CSMD1: variants seen among roughly 807,000 people sequenced by gnomAD.
CSMD1 encodes the protein CUB and sushi domain-containing protein 1.
CSMD1 carries 213 observed loss-of-function variants against 417.5 expected under a neutral mutation model. The ratio of observed to expected loss-of-function variants is 0.51; its 90% CI spans 0.46 to 0.57. CSMD1 has a LOEUF of 0.57. CSMD1 is among the 20% of genes least tolerant of loss of function. The pLI, the probability that CSMD1 is intolerant of heterozygous loss-of-function variation, is 0.00. For synonymous variants in CSMD1, 2,862 were observed against 1,736.8 expected (o/e 1.65, Z -16.11); for missense variants, 6,923 against 4,529.7 (o/e 1.53, Z -15.17).
intron 26 of CSMD1, among the ~76,000 whole-genome samples, chr8:3,243,144 G>A (rs1218313750): frequency 2.0e-5 from 3 of 152,130 alleles, no homozygotes; most frequent in Non-Finnish European, 2.9e-5. Flanking sequence ...AGTGAGGGAG[G>A]TTGGAGAAGA....
At chr8:4,583,125 T>C (rs1799513909) in intron 2 of CSMD1, among the ~76,000 whole-genome samples, 1 of 152,238 alleles carries the variant, frequency 6.6e-6, no homozygotes, top group African/African-American at 2.4e-5. Flanking sequence ...CTCCATGGGC[T>C]CCTGTGCGGC....
In CSMD1 at chr8:4,176,755, A is replaced by G. The variant is rs549345884; in HGVS notation, c.416-144656T>C. On this transcript the variant is annotated intron_variant, in intron 3 of 69. Coordinates refer to ENST00000635120, the MANE Select transcript of CSMD1 (RefSeq NM_033225.6). The stretch of plus-strand genomic sequence containing the variant: ...GGAAGATCTACCAAGCAAATGGAAA[A>G]CAAAAAAAGGCAGGGGTTGCAATCC... Among the ~76,000 whole-genome samples the G allele has an allele frequency of 2.1e-4, 31 of 150,114 alleles. No individual in the cohort carries two copies. The South Asian group carries it at 4.3e-3, about 21-fold the overall frequency.
intron 3 of CSMD1, among the ~76,000 whole-genome samples, chr8:4,299,450 A>G (rs1281670012): frequency 1.3e-5 from 2 of 152,156 alleles, no homozygotes; most frequent in Non-Finnish European, 2.9e-5. Context: ...AAAAGCCACT[A>G]GTAATTGGTT....
At chr8:4,554,850 G>A (rs1005524631) in intron 2 of CSMD1, among the ~76,000 whole-genome samples, 203 of 152,266 alleles carry the variant, frequency 1.3e-3, no homozygotes, top group African/African-American at 4.4e-3. Context: ...GGGGTTAAAA[G>A]CTGAAGATAA....
chr8:4,350,231 C>T (rs918700497), intron 3 of CSMD1, among the ~76,000 whole-genome samples: 3 of 152,266 alleles, frequency 2.0e-5, no homozygotes, highest in Admixed American at 1.3e-4. Context: ...AGGCACCTGC[C>T]TGAAGCCTAA....
intron 4 of CSMD1, among the ~76,000 whole-genome samples, chr8:4,002,102 A>C (rs1012995626): frequency 6.6e-6 from 1 of 152,196 alleles, no homozygotes; most frequent in African/African-American, 2.4e-5. Flanking sequence ...TATTACACAT[A>C]TAAGACAAAC....
intron 49 of CSMD1, among the ~76,000 whole-genome samples, chr8:3,065,673 A>G (rs2128995967): frequency 6.6e-6 from 1 of 152,316 alleles, no homozygotes; most frequent in East Asian, 1.9e-4. Flanking sequence ...ATCAATCGCT[A>G]GGTTGATTGG....
At chr8:4,472,662 T>A (rs912697673) in intron 2 of CSMD1, among the ~76,000 whole-genome samples, 2 of 151,958 alleles carry the variant, frequency 1.3e-5, no homozygotes, top group African/African-American at 4.8e-5. Flanking sequence ...ATTTATAAAA[T>A]ATTAATTGCT....
intron 2 of CSMD1, among the ~76,000 whole-genome samples, chr8:4,462,940 G>T (rs1471663759): frequency 6.6e-6 from 1 of 151,950 alleles, no homozygotes; most frequent in East Asian, 1.9e-4. Context: ...AAAAGCACAA[G>T]AAAAGAATTA....
Position 3,218,339 on chromosome 8 carries a change from A to T in CSMD1, c.4672+916T>A, listed in dbSNP as rs182377701. ...CACTTTGGGAGGCCGAGGTGGGAGG[A>T]TCATGAGGTCAGGAGATCGAGATCA... is the stretch of plus-strand genomic sequence containing the variant. On this transcript the variant is annotated intron_variant, in intron 29 of 69. Transcript: ENST00000635120. Among the ~76,000 whole-genome samples the T allele has an allele frequency of 1.1e-3, 169 of 151,996 alleles. 2 individuals are homozygous for T. In the Middle Eastern group the frequency reaches 0.038, roughly 34 times the overall value.
intron 41 of CSMD1, among the ~76,000 whole-genome samples, chr8:3,130,809 G>A (rs1361747490): frequency 6.6e-6 from 1 of 152,092 alleles, no homozygotes; most frequent in Admixed American, 6.5e-5. Flanking sequence ...CACTAACACA[G>A]CTTCAGCCTG....
Position 3,783,401 on chromosome 8 carries a change from C to A in CSMD1, c.819-29359G>T, listed in dbSNP as rs553991525. Among the ~76,000 whole-genome samples, 189 of 152,340 alleles carry A rather than the reference C, an allele frequency of 1.2e-3. 1 individual carries two copies. Among genetic ancestry groups the A allele is most frequent in the Non-Finnish European group, 1.9e-3 (132 of 68,032 alleles). On this transcript the variant is annotated intron_variant, in intron 5 of 69. Transcript: ENST00000635120. ...CACATGCCCCTGGGGTGACCCACGGCTGGCACAGTCAGGCGGCCCTGGGCG... is the reference window on the plus strand; with the variant it reads ...CACATGCCCCTGGGGTGACCCACGGATGGCACAGTCAGGCGGCCCTGGGCG...
At chr8:3,277,374 C>T (rs1437398153) in intron 26 of CSMD1, among the ~76,000 whole-genome samples, 2 of 152,218 alleles carry the variant, frequency 1.3e-5, no homozygotes, top group East Asian at 3.9e-4. Flanking sequence ...TACGCAGGTG[C>T]ATGAAGAAGG....
At chr8:3,501,693 AT>A (rs1417355685) in intron 10 of CSMD1, among the ~76,000 whole-genome samples, 1 of 152,226 alleles carries the variant, frequency 6.6e-6, no homozygotes, top group Non-Finnish European at 1.5e-5. Context: ...GAATTTCCTC[AT>A]AAAAAACATG....
chr8:3,802,750 G>T (rs773255946), intron 5 of CSMD1, among the ~76,000 whole-genome samples: 1 of 152,138 alleles, frequency 6.6e-6, no homozygotes, highest in Non-Finnish European at 1.5e-5. Context: ...CCAAAAGCGT[G>T]ATGCAAATGC....
At chr8:4,288,185 T>G (rs887256215) in intron 3 of CSMD1, among the ~76,000 whole-genome samples, 6 of 152,120 alleles carry the variant, frequency 3.9e-5, no homozygotes, top group Non-Finnish European at 8.8e-5. Flanking sequence ...ACTTTTCTTT[T>G]TTACTGGTAC....
chr8:3,519,898 G>C (rs1249008859), intron 10 of CSMD1, among the ~76,000 whole-genome samples: 1 of 151,924 alleles, frequency 6.6e-6, no homozygotes, highest in Non-Finnish European at 1.5e-5. Flanking sequence ...TACATTTATA[G>C]TGGTTTTCTA....
At chr8:4,245,077 C>T (rs886636157) in intron 3 of CSMD1, among the ~76,000 whole-genome samples, 3 of 152,100 alleles carry the variant, frequency 2.0e-5, no homozygotes, top group Non-Finnish European at 2.9e-5. Context: ...ATTTTGCCAA[C>T]CTGTCTGGAA....
intron 1 of CSMD1, among the ~76,000 whole-genome samples, chr8:4,815,593 G>C (rs1044368939): frequency 6.6e-6 from 1 of 151,188 alleles, no homozygotes; most frequent in African/African-American, 2.4e-5. Flanking sequence ...CTATTTGGGA[G>C]GCTGAGGCAG....
Sources: gnomAD v4.1 joint callset for allele counts (sites outside exome capture counted in the v4.1 genomes callset) on GRCh38, gnomAD v4.1.1 for gene constraint, MANE v1.5 for transcripts, NCBI Gene and HGNC (gene_info 2026-07-23, HGNC 2026-07-21) for gene names.